The following AMBRA1 variants were observed in gnomAD, a reference collection of about 807,000 sequenced individuals.
The protein encoded by AMBRA1 is activating molecule in BECN1-regulated autophagy protein 1.
Under a neutral mutation model 125.4 loss-of-function variants are expected in AMBRA1, and 47 were observed. The ratio of observed to expected loss-of-function variants is 0.37; its 90% CI spans 0.30 to 0.48. The LOEUF (loss-of-function observed/expected upper bound fraction) is 0.48, where lower values mean the gene tolerates loss of function less well. AMBRA1 is among the 20% of genes least tolerant of loss of function. The pLI is 0.99. For missense variants in AMBRA1, 1,331 were observed against 1,693.4 expected (o/e 0.79, Z 3.76); for synonymous variants, 626 against 655.5 (o/e 0.95, Z 0.69).
chr11:46,450,362 A>G (rs1231443423), intron 11 of AMBRA1, among the ~76,000 whole-genome samples: 1 of 152,230 alleles, frequency 6.6e-6, no homozygotes, highest in African/African-American at 2.4e-5. Context: ...GAAAAGTTAT[A>G]GAGACAGAAA....
chr11:46,491,094 C>T (rs1170488936), intron 11 of AMBRA1: 4 of 152,166 alleles, frequency 2.6e-5, no homozygotes, highest in African/African-American at 7.2e-5. Flanking sequence ...TAAGATTTTC[C>T]TCAGCAAGCA....
intron 1 of AMBRA1, among the ~76,000 whole-genome samples, chr11:46,578,156 G>A (rs949546322): frequency 1.3e-5 from 2 of 151,954 alleles, no homozygotes; most frequent in African/African-American, 4.8e-5. Context: ...AAAGGACAAT[G>A]TCCATATAAG....
At chr11:46,568,094 G>C (rs1651149494) in intron 1 of AMBRA1, among the ~76,000 whole-genome samples, 1 of 152,078 alleles carries the variant, frequency 6.6e-6, no homozygotes, top group Non-Finnish European at 1.5e-5. Context: ...GTTGCAGTAA[G>C]CTGAGATCCT....
At chr11:46,475,405 C>G (rs1412757320) in intron 11 of AMBRA1, among the ~76,000 whole-genome samples, 1 of 152,206 alleles carries the variant, frequency 6.6e-6, no homozygotes, top group Admixed American at 6.5e-5. Context: ...AACAGACAAG[C>G]ATACATTTCT....
intron 11 of AMBRA1, among the ~76,000 whole-genome samples, chr11:46,487,800 A>G (rs1950315182): frequency 6.6e-6 from 1 of 152,202 alleles, no homozygotes; most frequent in Non-Finnish European, 1.5e-5. Context: ...AAAATGGCAG[A>G]CAAAAACCCA....
At chr11:46,593,407 G>A (rs1450112072) in intron 1 of AMBRA1, among the ~76,000 whole-genome samples, 1 of 152,066 alleles carries the variant, frequency 6.6e-6, no homozygotes, top group African/African-American at 2.4e-5. Flanking sequence ...TGTTCCATAA[G>A]CCTCCACCTA....
chr11:46,539,113 T>C (rs1952618888), intron 7 of AMBRA1, among the ~76,000 whole-genome samples: 2 of 151,900 alleles, frequency 1.3e-5, no homozygotes, highest in African/African-American at 4.8e-5. Context: ...GCAGACGGAA[T>C]ATAGATTAAA....
intron 9 of AMBRA1, among the ~76,000 whole-genome samples, chr11:46,498,044 C>G (rs994647092): frequency 2.6e-5 from 4 of 152,124 alleles, no homozygotes; most frequent in African/African-American, 9.7e-5. Context: ...CGTGCTGATA[C>G]AAGGTCGACA....
In AMBRA1 at chr11:46,494,213, A is replaced by G; in HGVS notation, c.2340-9T>C. The stretch of plus-strand genomic sequence containing the variant: ...ATCTGTCACCATTGTCCCTGAAAAA[A>G]ATAAAAACACTACACATAAGAGAGT... On this transcript the variant is annotated splice_polypyrimidine_tract_variant and intron_variant, in intron 9 of 17. Transcript: ENST00000683756. 6.3e-7 allele frequency: 1 copy of G among 1,592,752 alleles called. No individual in the cohort carries two copies. The highest frequency in any genetic ancestry group is 8.6e-7 in the Non-Finnish European group (1 of 1,167,612).
rs1337021016 is a variant in AMBRA1, at chr11:46,542,897, C to T, written c.1120G>A (p.Val374Ile). 1 of 1,612,740 alleles carries T rather than the reference C, an allele frequency of 6.2e-7. No individual in the cohort carries two copies. ...LLNRPSAFST[V>I]QSSTAGNTLR... ...GTGTTGCCGGCAGTGCTGCTCTGGACTGTACTGAAGGCAGACGGCCGGTTC... is the reference window on the plus strand; with the variant it reads ...GTGTTGCCGGCAGTGCTGCTCTGGATTGTACTGAAGGCAGACGGCCGGTTC... The change falls in exon 7 of 18, where the codon GTC (valine) becomes ATC (isoleucine). Residue 374 changes from valine to isoleucine, a missense_variant. Around this residue, in one of 4 missense-constraint regions of AMBRA1, gnomAD observed 689 missense variants for 776.5 expected, o/e 0.89. Transcript: ENST00000683756. This position sits in a 1 kb window ranked among gnomAD's most constrained non-coding sequence, Gnocchi z 5.9.
At chr11:46,554,931 T>C (rs934536075) in intron 1 of AMBRA1, among the ~76,000 whole-genome samples, 1 of 152,018 alleles carries the variant, frequency 6.6e-6, no homozygotes, top group Non-Finnish European at 1.5e-5. Context: ...ATGGCTAGGA[T>C]ATGTACATAA....
At chr11:46,535,234 T>C (rs1346330229) in intron 7 of AMBRA1, among the ~76,000 whole-genome samples, 3 of 152,232 alleles carry the variant, frequency 2.0e-5, no homozygotes, top group Admixed American at 6.5e-5. Flanking sequence ...AAGCGTTTAC[T>C]GTATAGTATC....
At chr11:46,451,158 A>C (rs929202415) in intron 11 of AMBRA1, among the ~76,000 whole-genome samples, 2 of 152,254 alleles carry the variant, frequency 1.3e-5, no homozygotes, top group African/African-American at 2.4e-5. Context: ...TTAGAGCAAA[A>C]GAAGAAATAA....
intron 11 of AMBRA1, among the ~76,000 whole-genome samples, chr11:46,466,222 C>T (rs141214942): frequency 0.019 from 2,852 of 152,280 alleles, 95 homozygotes; most frequent in African/African-American, 0.065. Context: ...TGGCACACGC[C>T]TGTAGTCCCA....
At chr11:46,553,952 G>A (rs2043093177) in intron 1 of AMBRA1, among the ~76,000 whole-genome samples, 1 of 152,088 alleles carries the variant, frequency 6.6e-6, no homozygotes, top group Non-Finnish European at 1.5e-5. Flanking sequence ...GAACTAACTG[G>A]AAGGAAATCA....
At chr11:46,456,639 T>G (rs1251930293) in intron 11 of AMBRA1, among the ~76,000 whole-genome samples, 1 of 152,202 alleles carries the variant, frequency 6.6e-6, no homozygotes, top group African/African-American at 2.4e-5. Context: ...CTCCCGCAGC[T>G]TTTATTGTTT....
At chr11:46,551,538 A>G (rs915838308) in intron 1 of AMBRA1, among the ~76,000 whole-genome samples, 3 of 152,182 alleles carry the variant, frequency 2.0e-5, no homozygotes, top group African/African-American at 7.2e-5. Context: ...AGTTTTTGAA[A>G]AAGGTAAATC....
At chr11:46,587,604 G>C (rs1265965471) in intron 1 of AMBRA1, among the ~76,000 whole-genome samples, 1 of 152,106 alleles carries the variant, frequency 6.6e-6, no homozygotes, top group Non-Finnish European at 1.5e-5. Flanking sequence ...GGGGATTAAG[G>C]ATGCTATGAC....
chr11:46,587,124 A>C (rs868334840), intron 1 of AMBRA1, among the ~76,000 whole-genome samples: 1 of 152,196 alleles, frequency 6.6e-6, no homozygotes, highest in African/African-American at 2.4e-5. Context: ...TCCCGCCTAT[A>C]ATCCCAACAT....
Sources: gnomAD v4.1 joint callset for allele counts (sites outside exome capture counted in the v4.1 genomes callset) on GRCh38, gnomAD v4.1.1 for gene constraint, gnomAD v4.1.1 regional missense constraint, Gnocchi (gnomAD v3.1) non-coding constraint, MANE v1.5 for transcripts, NCBI Gene and HGNC (gene_info 2026-07-23, HGNC 2026-07-21) for gene names.